VPS41: variants seen among roughly 807,000 people sequenced by gnomAD.
VPS41 encodes VPS41 subunit of HOPS complex, also known as vacuolar protein sorting-associated protein 41 homolog.
In VPS41, 85 loss-of-function variants were observed where a neutral mutation model predicts 130.9. That is an observed-to-expected ratio of 0.65 (90% CI 0.55 to 0.78). The LOEUF (loss-of-function observed/expected upper bound fraction) is 0.78. VPS41 is among the 30% of genes least tolerant of loss of function. VPS41 has a pLI of 0.00. For missense variants in VPS41, 874 were observed against 1,018.7 expected (o/e 0.86, Z 1.93); for synonymous variants, 335 against 332.9 (o/e 1.01, Z -0.07).
intron 10 of VPS41, among the ~76,000 whole-genome samples, chr7:38,785,234 C>T (rs574748065): frequency 1.2e-4 from 19 of 152,306 alleles, no homozygotes; most frequent in Non-Finnish European, 2.6e-4. Context: ...TTGGAAATAA[C>T]GGCACTTCAA....
At chr7:38,862,996 T>C (rs2116312886) in intron 3 of VPS41, among the ~76,000 whole-genome samples, 1 of 152,300 alleles carries the variant, frequency 6.6e-6, no homozygotes, top group African/African-American at 2.4e-5. Flanking sequence ...AAACTCCCCC[T>C]AATTTATGGC....
At chr7:38,904,688 CGAA>C (rs1280875286) in intron 1 of VPS41, among the ~76,000 whole-genome samples, 3 of 152,124 alleles carry the variant, frequency 2.0e-5, no homozygotes, top group Non-Finnish European at 2.9e-5. Flanking sequence ...GCAAGAAAAT[CGAA>C]GCACTCAAAT....
intron 3 of VPS41, among the ~76,000 whole-genome samples, chr7:38,863,551 A>C (rs1786165433): frequency 6.6e-6 from 1 of 152,230 alleles, no homozygotes; most frequent in Non-Finnish European, 1.5e-5. Flanking sequence ...AATTGCTTAA[A>C]ATGAAATTTC....
At chr7:38,738,484 T>C (rs891428809) in intron 25 of VPS41, among the ~76,000 whole-genome samples, 2 of 152,164 alleles carry the variant, frequency 1.3e-5, no homozygotes, top group Non-Finnish European at 2.9e-5. Context: ...AGAACAAAGA[T>C]GCTGAAATTC....
chr7:38,765,539 T>C (rs1784023088), intron 16 of VPS41, 41 bp downstream of exon 16: 7 of 1,291,586 alleles, frequency 5.4e-6, no homozygotes, highest in Non-Finnish European at 7.7e-6. Context: ...ATTAATATAC[T>C]ACTTGCAGAA....
intron 2 of VPS41, among the ~76,000 whole-genome samples, chr7:38,873,340 C>T (rs182289994): frequency 8.5e-4 from 128 of 150,928 alleles, no homozygotes; most frequent in Non-Finnish European, 1.4e-3. Context: ...TTGAAAAATA[C>T]GATTCATGGA....
chr7:38,771,280 TAAAA>T, intron 13 of VPS41, 26 bp from the exon 14 acceptor site: 1 of 1,298,400 alleles, frequency 7.7e-7, no homozygotes, highest in Non-Finnish European at 1.1e-6. Context: ...AAGGATGATT[TAAAA>T]AAAAAAAAAA....
intron 2 of VPS41, among the ~76,000 whole-genome samples, chr7:38,873,406 G>A (rs10232614): frequency 0.97 from 147,709 of 152,090 alleles, 71,768 homozygotes; most frequent in East Asian, 1. Context: ...ACATTTAAAA[G>A]TCTAGTAGAT....
At chr7:38,730,961 A>G (rs1396954043) in intron 25 of VPS41, among the ~76,000 whole-genome samples, 2 of 152,174 alleles carry the variant, frequency 1.3e-5, no homozygotes, top group African/African-American at 4.8e-5. Flanking sequence ...GCAGGATTAC[A>G]TTTTTCTAAA....
At chr7:38,796,112 G>A (rs1784613045) in intron 8 of VPS41, among the ~76,000 whole-genome samples, 1 of 152,156 alleles carries the variant, frequency 6.6e-6, no homozygotes, top group Non-Finnish European at 1.5e-5. Flanking sequence ...CCCAGGAGAA[G>A]TAAGAAAAGT....
At chr7:38,876,922 T>C (rs1202999389) in intron 2 of VPS41, among the ~76,000 whole-genome samples, 1 of 137,500 alleles carries the variant, frequency 7.3e-6, no homozygotes, top group African/African-American at 2.6e-5. Flanking sequence ...TAAGAATATA[T>C]AGAAGAGGGG....
At chr7:38,789,499 G>C (rs1304918881) in intron 10 of VPS41, among the ~76,000 whole-genome samples, 14 of 152,108 alleles carry the variant, frequency 9.2e-5, no homozygotes, top group Non-Finnish European at 5.9e-5. Context: ...GAGAAGCTTG[G>C]CATAAGCTAC....
At chr7:38,807,005 C>T (rs993176746) in intron 7 of VPS41, among the ~76,000 whole-genome samples, 2 of 152,204 alleles carry the variant, frequency 1.3e-5, no homozygotes, top group African/African-American at 2.4e-5. Context: ...TTTTCCAAGT[C>T]GTGGCAATGA....
rs1784380056 is a variant in VPS41 at position 38,782,941 on chromosome 7, A to AC, written c.785-6166dup. Among the ~76,000 whole-genome samples, 3 of 150,962 alleles carry AC rather than the reference A, an allele frequency of 2.0e-5. No homozygotes were observed. In the South Asian group the frequency reaches 6.3e-4, roughly 32 times the overall value. On this transcript the variant is annotated intron_variant, in intron 10 of 28. Transcript: ENST00000310301. ...AGACCAGCCTGGCCACCATGGTAAA[A>AC]CCCCGCCTCTATTAAACATATAAAA... is the stretch of plus-strand genomic sequence containing the variant.
intron 22 of VPS41, among the ~76,000 whole-genome samples, chr7:38,747,286 C>T (rs150912536): frequency 9.3e-4 from 142 of 152,048 alleles, no homozygotes; most frequent in Non-Finnish European, 1.7e-3. Context: ...GGGATTCAAA[C>T]AAAAAACCAC....
At chr7:38,845,560 A>G (rs1439801067) in intron 4 of VPS41, among the ~76,000 whole-genome samples, 3 of 152,210 alleles carry the variant, frequency 2.0e-5, no homozygotes, top group Non-Finnish European at 1.5e-5. Flanking sequence ...TTCTCTTAAC[A>G]GTTCAGATCA....
At chr7:38,763,302 G>A (rs904009261) in intron 17 of VPS41, among the ~76,000 whole-genome samples, 153 bp downstream of exon 17, 1 of 152,136 alleles carries the variant, frequency 6.6e-6, no homozygotes, top group African/African-American at 2.4e-5. Flanking sequence ...ATAAACATGA[G>A]TTATACTGGA....
chr7:38,823,234 C>T (rs1785211181), intron 5 of VPS41, among the ~76,000 whole-genome samples: 1 of 152,164 alleles, frequency 6.6e-6, no homozygotes, highest in Non-Finnish European at 1.5e-5. Context: ...AGGTGACTAG[C>T]TAGTCCTTTT....
chr7:38,889,661 T>C (rs1290744214), intron 2 of VPS41, among the ~76,000 whole-genome samples: 1 of 151,950 alleles, frequency 6.6e-6, no homozygotes, highest in East Asian at 1.9e-4. Context: ...CTTGCAAGCC[T>C]ATCCTTAAAG....
Sources: allele counts gnomAD v4.1 joint callset (sites outside exome capture counted in the v4.1 genomes callset), GRCh38; gene constraint gnomAD v4.1.1; transcripts MANE v1.5; gene names NCBI Gene and HGNC (gene_info 2026-07-23, HGNC 2026-07-21).